LIN9: variants seen among roughly 807,000 people sequenced by gnomAD.
LIN9 encodes the protein protein lin-9 homolog.
LIN9 carries 18 observed loss-of-function variants against 78.0 expected under a neutral mutation model. That is an observed-to-expected ratio of 0.23 (90% CI 0.16 to 0.34). The LOEUF is 0.34. Among genes scored for constraint, LIN9 ranks in the 10% least tolerant of loss-of-function variants. LIN9 has a pLI of 1.00. For missense variants in LIN9, 451 were observed against 644.1 expected (o/e 0.70, Z 3.25); for synonymous variants, 192 against 215.2 (o/e 0.89, Z 0.94).
At chr1:226,233,018 T>G in intron 14 of LIN9, 78 bp downstream of exon 14, 1 of 814,254 alleles carries the variant, frequency 1.2e-6, no homozygotes, top group Non-Finnish European at 2.0e-6. Flanking sequence ...TTCACAAATA[T>G]GCATAATTCT....
chr1:226,271,355 T>C (rs1258298372), intron 7 of LIN9, among the ~76,000 whole-genome samples: 1 of 152,050 alleles, frequency 6.6e-6, no homozygotes, highest in Non-Finnish European at 1.5e-5. Context: ...CTTTTGGCTC[T>C]TGTTTTTGAG....
intron 4 of LIN9, among the ~76,000 whole-genome samples, chr1:226,291,615 A>G (rs1038598167): frequency 6.6e-6 from 1 of 152,102 alleles, no homozygotes. Flanking sequence ...AAATTTTAAA[A>G]TTTTTATTAT....
intron 7 of LIN9, among the ~76,000 whole-genome samples, chr1:226,268,484 C>T (rs550231334): frequency 2.2e-4 from 33 of 152,274 alleles, no homozygotes; most frequent in Admixed American, 1.1e-3. Flanking sequence ...TACTGCAGGC[C>T]TGATGCTGCT....
intron 2 of LIN9, among the ~76,000 whole-genome samples, chr1:226,300,963 A>G (rs1339698300): frequency 6.6e-6 from 1 of 152,236 alleles, no homozygotes; most frequent in Non-Finnish European, 1.5e-5. Flanking sequence ...GTTTTTAATC[A>G]ATAATTTTAG....
At chr1:226,272,554 T>G (rs1660357549) in intron 7 of LIN9, among the ~76,000 whole-genome samples, 1 of 150,200 alleles carries the variant, frequency 6.7e-6, no homozygotes, top group African/African-American at 2.5e-5. Flanking sequence ...TTTTTTTTTT[T>G]TTTTTAATGT....
chr1:226,264,970 A>G (rs942382653), intron 10 of LIN9, among the ~76,000 whole-genome samples: 1 of 152,214 alleles, frequency 6.6e-6, no homozygotes, highest in African/African-American at 2.4e-5. Flanking sequence ...TAAAAAATTT[A>G]TTTAATCTAA....
At chr1:226,237,287 A>G (rs138197343) in intron 12 of LIN9, among the ~76,000 whole-genome samples, 208 of 152,294 alleles carry the variant, frequency 1.4e-3, no homozygotes, top group African/African-American at 4.7e-3. Context: ...AATACAATGC[A>G]TATTGTTATG....
intron 4 of LIN9, 128 bp downstream of exon 4, chr1:226,295,714 A>T: frequency 1.7e-6 from 1 of 573,100 alleles, no homozygotes; most frequent in South Asian, 2.7e-5. Flanking sequence ...CTAAAACAGG[A>T]CCAGAGCAGC....
In LIN9 at chr1:226,277,759, G is replaced by T. The variant is rs766711948; in HGVS notation, c.682+16C>A. On this transcript the variant is annotated intron_variant, in intron 7 of 14. Transcript: ENST00000681046. ...AAATTACAAGTCAAAAGAGTAATTAGCTTGTTTTCACTTACCTGTAACTTT... is the reference window on the plus strand; with the variant it reads ...AAATTACAAGTCAAAAGAGTAATTATCTTGTTTTCACTTACCTGTAACTTT... 5 of 1,604,204 alleles carry T rather than the reference G, an allele frequency of 3.1e-6. No homozygotes were observed. In the East Asian group the frequency reaches 1.1e-4, roughly 36 times the overall value.
intron 14 of LIN9, 155 bp from the exon 15 acceptor site, chr1:226,232,761 G>A (rs1469477920): frequency 3.8e-6 from 2 of 529,800 alleles, no homozygotes; most frequent in Non-Finnish European, 6.6e-6. Context: ...TTCTACTTCA[G>A]TAGTAGTTGA....
intron 7 of LIN9, among the ~76,000 whole-genome samples, chr1:226,268,368 A>C (rs76190532): frequency 1.4e-3 from 207 of 152,338 alleles, no homozygotes; most frequent in African/African-American, 4.7e-3. Context: ...TGCAAAAAAA[A>C]CAACAAAAGA....
intron 1 of LIN9, among the ~76,000 whole-genome samples, chr1:226,304,432 A>C (rs72764508): frequency 0.22 from 33,770 of 152,256 alleles, 4,247 homozygotes; most frequent in South Asian, 0.35. Context: ...CCAAAGAACA[A>C]GACAAACAAA....
At chr1:226,285,887 TA>T (rs1233840448) in intron 6 of LIN9, among the ~76,000 whole-genome samples, 1 of 152,150 alleles carries the variant, frequency 6.6e-6, no homozygotes, top group African/African-American at 2.4e-5. Context: ...GGGACATAGA[TA>T]ATGTAAAACT....
chr1:226,259,067 T>G (rs1304388982), intron 10 of LIN9, among the ~76,000 whole-genome samples: 2 of 151,270 alleles, frequency 1.3e-5, no homozygotes, highest in Non-Finnish European at 3.0e-5. Context: ...TTCAAGCAAT[T>G]CTCCTGTCTC....
At chr1:226,251,198 C>T (rs1322690658) in intron 10 of LIN9, among the ~76,000 whole-genome samples, 2 of 151,384 alleles carry the variant, frequency 1.3e-5, no homozygotes, top group African/African-American at 2.4e-5. Context: ...GGATTACAGG[C>T]ACACGCAACC....
chr1:226,238,055 A>C (rs1657847947), intron 12 of LIN9, among the ~76,000 whole-genome samples: 1 of 152,152 alleles, frequency 6.6e-6, no homozygotes, highest in Non-Finnish European at 1.5e-5. Context: ...AACTCAACTG[A>C]ATCATTTTAA....
At chr1:226,296,604 C>T (rs1314478292) in intron 3 of LIN9, among the ~76,000 whole-genome samples, 1 of 152,150 alleles carries the variant, frequency 6.6e-6, no homozygotes, top group Non-Finnish European at 1.5e-5. Context: ...AATAATATCC[C>T]GATAAGACCT....
chr1:226,238,882 T>C (rs1657915090), intron 12 of LIN9, 89 bp downstream of exon 12: 10 of 1,317,420 alleles, frequency 7.6e-6, no homozygotes, highest in South Asian at 1.4e-5. Flanking sequence ...TATGAAGATA[T>C]TGGCTTGGTA....
intron 11 of LIN9, among the ~76,000 whole-genome samples, chr1:226,242,662 G>A (rs371987034): frequency 1.3e-5 from 2 of 151,882 alleles, no homozygotes; most frequent in Non-Finnish European, 2.9e-5. Flanking sequence ...ATTAATTTTT[G>A]CAACAGCCTA....
Sources: gnomAD v4.1 joint callset for allele counts (sites outside exome capture counted in the v4.1 genomes callset) on GRCh38, gnomAD v4.1.1 for gene constraint, MANE v1.5 for transcripts, NCBI Gene and HGNC (gene_info 2026-07-23, HGNC 2026-07-21) for gene names.